MMUT: variants seen among roughly 807,000 people sequenced by gnomAD.
MMUT encodes the protein methylmalonyl-CoA mutase.
A neutral mutation model predicts 79.9 loss-of-function variants in MMUT; 79 were observed. That is an observed-to-expected ratio of 0.99 (90% CI 0.82 to 1.19). The LOEUF is 1.19. MMUT is among the 50% of genes most tolerant of loss of function. The probability of loss-of-function intolerance (pLI) is 0.00; values close to 1 mark genes in which losing one functional copy is unlikely to be tolerated. For missense variants in MMUT, 860 were observed against 917.2 expected (o/e 0.94, Z 0.81); for synonymous variants, 273 against 295.7 (o/e 0.92, Z 0.79).
intron 1 of MMUT, among the ~76,000 whole-genome samples, chr6:49,462,381 A>C (rs577759701): frequency 6.6e-6 from 1 of 152,346 alleles, no homozygotes; most frequent in South Asian, 2.1e-4. Flanking sequence ...TTGATGTTCA[A>C]CTAGTTGGGT....
Position 49,456,229 on chromosome 6 carries a change from T to G in MMUT, c.762A>C (p.Pro254=). 1 of 1,609,366 alleles carries G rather than the reference T, an allele frequency of 6.2e-7. No individual in the cohort carries two copies. Among genetic ancestry groups the G allele is most frequent in the East Asian group, 2.2e-5 (1 of 44,810 alleles). ...DIFEYTAKHM[P]KFNSISISGY... Reference sequence around the variant, plus strand: ...CACTAATTGAAATTGAATTAAATTTTGGCATGTGCTACATAAAAAAAAAAA... The same window carrying G: ...CACTAATTGAAATTGAATTAAATTTGGGCATGTGCTACATAAAAAAAAAAA... The change falls in exon 4 of 13, where the codon CCA becomes CCC. Residue 254 remains proline, a synonymous_variant. Transcript: ENST00000274813.
chr6:49,440,285 C>T lies in MMUT; in HGVS notation c.1877G>A (p.Gly626Asp). 1 of 1,614,020 alleles carries T rather than the reference C, an allele frequency of 6.2e-7. No individual in the cohort carries two copies. Among genetic ancestry groups the T allele is most frequent in the Non-Finnish European group, 8.5e-7 (1 of 1,179,958 alleles). Residue 626 changes from glycine (G) to aspartate (D), a missense_variant, in exon 11 of 13, where the codon GGC becomes GAC. Gly to Asp is a moderately conservative substitution (Grantham distance 94). Coordinates refer to ENST00000274813, the MANE Select transcript of MMUT (RefSeq NM_000255.4). ...RLLVAKMGQDGHDRGAKVIAT... is the reference protein window; with the variant it reads ...RLLVAKMGQDDHDRGAKVIAT... ...AATAACTTTTGCTCCTCTGTCATGG[C>T]CATCTTGTCCCATTTTTGCTACAAG...
In MMUT at chr6:49,440,358, A is replaced by G; in HGVS notation, c.1809-5T>C. On this transcript the variant is annotated splice_polypyrimidine_tract_variant and splice_region_variant and intron_variant, in intron 10 of 12. Transcript: ENST00000274813. ...CGTTCCATGAATTTATGAACCCTGA[A>G]AAACATTTAAAAATATATCAGTAGT... 6.2e-7 allele frequency: 1 copy of G among 1,613,626 alleles called. No individual in the cohort carries two copies. The highest frequency in any genetic ancestry group is 1.1e-5 in the South Asian group (1 of 91,066).
chr6:49,457,136 G>T lies in MMUT; in HGVS notation c.753+555C>A, dbSNP rs148298033. ...GGTAAGGAGAAGGAGTACGTTGCTGGTAAGAAGCAAAGAGTGAATAATGGG... is the reference window on the plus strand; with the variant it reads ...GGTAAGGAGAAGGAGTACGTTGCTGTTAAGAAGCAAAGAGTGAATAATGGG... On this transcript the variant is annotated intron_variant, in intron 3 of 12. Transcript: ENST00000274813. 2.7e-4 allele frequency among the ~76,000 whole-genome samples: 41 copies of T among 152,300 alleles called. No individual in the cohort carries two copies. In the East Asian group the frequency reaches 4.1e-3, roughly 15 times the overall value.
At chr6:49,445,843 T>G (rs143067095) in intron 8 of MMUT, among the ~76,000 whole-genome samples, 121 of 152,050 alleles carry the variant, frequency 8.0e-4, no homozygotes, top group Non-Finnish European at 1.6e-3. Context: ...AAAACTCAAC[T>G]CCAAATTCTC....
chr6:49,454,687 T>C (rs905030740), intron 4 of MMUT, among the ~76,000 whole-genome samples: 21 of 152,346 alleles, frequency 1.4e-4, no homozygotes, highest in Non-Finnish European at 2.9e-4. Context: ...TTACTGAAAA[T>C]TCCAAAGAAT....
chr6:49,432,619 C>T (rs1203386667), intron 12 of MMUT, among the ~76,000 whole-genome samples: 3 of 152,140 alleles, frequency 2.0e-5, no homozygotes, highest in Admixed American at 6.5e-5. Flanking sequence ...AATCTCCTGA[C>T]CTCGTGATCC....
intron 11 of MMUT, among the ~76,000 whole-genome samples, chr6:49,437,034 A>G (rs1021521605): frequency 6.6e-6 from 1 of 152,116 alleles, no homozygotes; most frequent in Non-Finnish European, 1.5e-5. Context: ...ACAAATCTAC[A>G]CATGTACCCC....
chr6:49,448,782 T>C, intron 7 of MMUT, 34 bp downstream of exon 7: 2 of 1,484,016 alleles, frequency 1.3e-6, no homozygotes, highest in Non-Finnish European at 1.9e-6. Flanking sequence ...TTTTAACTAC[T>C]GGATTTCATA....
intron 8 of MMUT, among the ~76,000 whole-genome samples, chr6:49,447,373 GTAT>G (rs1211701898): frequency 2.0e-5 from 3 of 151,664 alleles, no homozygotes; most frequent in Non-Finnish European, 4.4e-5. Flanking sequence ...ATTATGGAAG[GTAT>G]TATTATTGTA....
At position 49,451,728 on chromosome 6, in the gene MMUT, T is replaced by TA. The variant is rs1767559924; in HGVS notation, c.1084-15dup. 1 of 1,612,676 alleles carries TA rather than the reference T, an allele frequency of 6.2e-7. No individual in the cohort carries two copies. The highest frequency in any genetic ancestry group is 1.3e-5 in the African/African-American group (1 of 74,972). ...ATTGTAGGGATCCTAAAATATTTGA[T>TA]AAAAAACAAAAACTCAAAGAAACAG... On this transcript the variant is annotated splice_polypyrimidine_tract_variant and intron_variant, in intron 5 of 12. Transcript: ENST00000274813.
intron 8 of MMUT, among the ~76,000 whole-genome samples, 158 bp downstream of exon 8, chr6:49,447,512 T>G (rs371326343): frequency 2.0e-5 from 3 of 151,790 alleles, no homozygotes; most frequent in East Asian, 3.9e-4. Context: ...AGTTTCTCAA[T>G]GCCTTATCTT....
At chr6:49,457,023 A>G (rs1561958691) in intron 3 of MMUT, among the ~76,000 whole-genome samples, 1 of 152,242 alleles carries the variant, frequency 6.6e-6, no homozygotes, top group East Asian at 1.9e-4. Flanking sequence ...GAGTTTGGAG[A>G]TAACAGTAAT....
At chr6:49,460,248 T>C (rs1298275316) in intron 1 of MMUT, among the ~76,000 whole-genome samples, 2 of 152,192 alleles carry the variant, frequency 1.3e-5, no homozygotes, top group Admixed American at 6.5e-5. Flanking sequence ...TTTTAATCTT[T>C]ACAATACCCC....
At chr6:49,447,591 C>T in intron 8 of MMUT, 79 bp downstream of exon 8, 1 of 786,524 alleles carries the variant, frequency 1.3e-6, no homozygotes. Flanking sequence ...TTAATTTAAG[C>T]AGGACAGTTT....
At chr6:49,435,938 CA>C (rs757332215) in intron 11 of MMUT, among the ~76,000 whole-genome samples, 1 of 151,850 alleles carries the variant, frequency 6.6e-6, no homozygotes, top group Non-Finnish European at 1.5e-5. Context: ...AACAAATTTA[CA>C]AAAAAACATT....
In MMUT at chr6:49,431,191, T is replaced by C; in HGVS notation, c.*537A>G. 1 of 152,642 alleles carries C rather than the reference T, an allele frequency of 6.6e-6. No individual in the cohort carries two copies. The allele number at this position is 152,642 out of a possible 1,614,324, so 9.5% of individuals were successfully genotyped here. On this transcript the variant is annotated 3_prime_UTR_variant, in exon 13 of 13. Transcript: ENST00000274813. ...ATATTCCAACCTGCTGTGCTTGATT[T>C]TAATACTTCTTTTATTAAGGTGATT...
intron 1 of MMUT, among the ~76,000 whole-genome samples, chr6:49,462,438 T>C (rs926458991): frequency 1.3e-5 from 2 of 152,238 alleles, no homozygotes; most frequent in African/African-American, 4.8e-5. Context: ...GATATTAGCA[T>C]AAGTACATCA....
At chr6:49,454,641 T>C (rs1270877459) in intron 4 of MMUT, among the ~76,000 whole-genome samples, 1 of 152,236 alleles carries the variant, frequency 6.6e-6, no homozygotes, top group African/African-American at 2.4e-5. Flanking sequence ...AGTTTTCAAA[T>C]ATTTTGATCT....
Sources: gnomAD v4.1 joint callset for allele counts (sites outside exome capture counted in the v4.1 genomes callset) on GRCh38, gnomAD v4.1.1 for gene constraint, MANE v1.5 for transcripts, NCBI Gene and HGNC (gene_info 2026-07-23, HGNC 2026-07-21) for gene names.